Variants in INO80C observed in about 807,000 individuals in gnomAD.
INO80C encodes the protein INO80 complex subunit C.
In INO80C, 17 loss-of-function variants were observed where a neutral mutation model predicts 17.7. That is an observed-to-expected ratio of 0.96 (90% CI 0.66 to 1.44). INO80C has a LOEUF of 1.44. INO80C is among the 40% of genes most tolerant of loss of function. INO80C has a pLI of 0.00. For missense variants in INO80C, 244 were observed against 245.0 expected, an observed-to-expected ratio of 1.00 and a Z score of 0.03; for synonymous variants, 96 against 95.8, an observed-to-expected ratio of 1.00 and a Z score of -0.01.
intron 1 of INO80C, chr18:35,483,564 T>G (rs1362757032): frequency 6.6e-6 from 1 of 152,252 alleles, no homozygotes; most frequent in Non-Finnish European, 1.5e-5. Flanking sequence ...CCTCTGTCCC[T>G]GCTTCTAACC....
At chr18:35,470,803 G>A (rs2045660547) in intron 4 of INO80C, among the ~76,000 whole-genome samples, 1 of 152,212 alleles carries the variant, frequency 6.6e-6, no homozygotes, top group African/African-American at 2.4e-5. Flanking sequence ...ATAGAAGGAA[G>A]GATGCCAAGT....
Position 35,497,823 on chromosome 18 carries a change from G to A in INO80C, c.52C>T (p.Arg18Trp), listed in dbSNP as rs1413430565. ...VATTSTPGIV[R>W]NSKKRPASPS... ...CTGGCCGGCCTCTTCTTGCTGTTCC[G>A]GACTATTCCGGGAGTGGAAGTGGTG... Residue 18 changes from arginine (R) to tryptophan (W), a missense_variant, in exon 1 of 5, where the codon CGG becomes TGG. Transcript: ENST00000334598. The A allele has an allele frequency of 6.2e-7, 1 of 1,610,174 alleles. No individual in the cohort carries two copies. Among genetic ancestry groups the A allele is most frequent in the East Asian group, 2.3e-5 (1 of 44,188 alleles).
Position 35,480,556 on chromosome 18 carries a change from C to T in INO80C, c.164G>A (p.Ser55Asn). 2 of 1,605,916 alleles carry T rather than the reference C, an allele frequency of 1.2e-6. No individual in the cohort carries two copies. The highest frequency in any genetic ancestry group is 1.7e-6 in the Non-Finnish European group (2 of 1,172,440). ...TTTATTCTCACTCATGGCTTCCATG[C>T]TGATACCCTTAAAACATAATAAAAA... ...ASASSFAQGI[S>N]MEAMSENKMV... The change falls in exon 2 of 5, where the codon AGC becomes AAC. Residue 55 changes from serine (S) to asparagine (N), a missense_variant. Ser to Asn is a conservative substitution (Grantham distance 46, BLOSUM62 1). Coordinates refer to ENST00000334598, the MANE Select transcript of INO80C (RefSeq NM_194281.4).
intron 4 of INO80C, among the ~76,000 whole-genome samples, chr18:35,475,295 T>C (rs965247890): frequency 1.3e-5 from 2 of 152,204 alleles, no homozygotes; most frequent in Non-Finnish European, 2.9e-5. Flanking sequence ...ACTGACATCT[T>C]AAAAGTGATG....
At chr18:35,491,014 C>A (rs537051669) in intron 1 of INO80C, among the ~76,000 whole-genome samples, 2 of 152,348 alleles carry the variant, frequency 1.3e-5, no homozygotes, top group East Asian at 3.9e-4. Context: ...CCCACCTGGG[C>A]CTCCCAAAGT....
chr18:35,478,487 GA>G (rs1214879752), intron 3 of INO80C, 138 bp from the exon 4 acceptor site: 1 of 677,800 alleles, frequency 1.5e-6, no homozygotes, highest in Non-Finnish European at 2.5e-6. Context: ...AGTCTCTGGA[GA>G]TTAACTAGAG....
chr18:35,470,761 C>T (rs2045660272), intron 4 of INO80C, among the ~76,000 whole-genome samples: 1 of 152,238 alleles, frequency 6.6e-6, no homozygotes, highest in African/African-American at 2.4e-5. Context: ...ACAGACTGCA[C>T]TGGACCCAGG....
rs2046000362 is a variant in INO80C at position 35,497,754 on chromosome 18, T to G, written c.121A>C (p.Lys41Gln). 4.3e-6 allele frequency: 7 copies of G among 1,612,804 alleles called. No homozygotes were observed. The highest frequency in any genetic ancestry group is 5.9e-6 in the Non-Finnish European group (7 of 1,179,524). Reference protein sequence around the residue: ...GSSGGGYGASKKKKASASSFA... With the variant: ...GSSGGGYGASQKKKASASSFA... The stretch of plus-strand genomic sequence containing the variant: ...CTGGAAGCGGACGCTTTTTTCTTCT[T>G]ACTGGCGCCATAGCCCCCGCCGCTG... The change falls in exon 1 of 5, where the codon AAG (lysine) becomes CAG (glutamine). Residue 41 changes from lysine to glutamine, a missense_variant. By Grantham distance (53) the Lys-to-Gln change is moderately conservative. Transcript: ENST00000334598.
intron 1 of INO80C, among the ~76,000 whole-genome samples, chr18:35,494,687 G>A (rs1042460060): frequency 7.2e-5 from 11 of 152,168 alleles, no homozygotes; most frequent in Non-Finnish European, 1.2e-4. Flanking sequence ...ACAAGAACTC[G>A]GCTAACACTT....
Position 35,497,767 on chromosome 18 carries a change from GC to G in INO80C, c.107del (p.Gly36AlafsTer24), listed in dbSNP as rs752633621. 1 of 1,612,370 alleles carries G rather than the reference GC, an allele frequency of 6.2e-7. No individual in the cohort carries two copies. The highest frequency in any genetic ancestry group is 8.5e-7 in the Non-Finnish European group (1 of 1,179,228). On this transcript the variant is annotated frameshift_variant, in exon 1 of 5. Coordinates refer to ENST00000334598, the MANE Select transcript of INO80C (RefSeq NM_194281.4). LOFTEE classifies it high-confidence loss of function. ...SPSHNGSSGGGYGASKKKKAS... is the reference protein window; with the variant it reads ...SPSHNGSSGGXYGASKKKKAS... Reference sequence around the variant, plus strand: ...CTTTTTTCTTCTTACTGGCGCCATAGCCCCCGCCGCTGCTGCCATTGTGGGA... The same window carrying G: ...CTTTTTTCTTCTTACTGGCGCCATAGCCCCGCCGCTGCTGCCATTGTGGGA...
At chr18:35,472,675 G>A (rs757828299) in intron 4 of INO80C, among the ~76,000 whole-genome samples, 15 of 152,072 alleles carry the variant, frequency 9.9e-5, no homozygotes, top group Non-Finnish European at 1.5e-4. Flanking sequence ...TGCTCCAATT[G>A]TCCTCCAAAG....
At chr18:35,497,514 C>T in intron 1 of INO80C, 4 of 1,372,936 alleles carry the variant, frequency 2.9e-6, no homozygotes, top group Non-Finnish European at 3.7e-6. Flanking sequence ...ACTTCTTCTT[C>T]TCTCCTTACA....
In INO80C at chr18:35,495,768, T is replaced by A. The variant is rs190364972; in HGVS notation, c.156+1951A>T. Among the ~76,000 whole-genome samples the A allele has an allele frequency of 3.6e-3, 548 of 152,252 alleles. 2 individuals are homozygous for A. Among genetic ancestry groups the A allele is most frequent in the African/African-American group, 0.012 (514 of 41,536 alleles). On this transcript the variant is annotated intron_variant, in intron 1 of 4. Coordinates refer to ENST00000334598, the MANE Select transcript of INO80C (RefSeq NM_194281.4). ...AGCAATTACTCACAATACATACATC[T>A]GGCAAAGGAGTCTAATCAAGAAAGA...
chr18:35,487,439 T>C (rs1331180832), intron 1 of INO80C: 1 of 361,876 alleles, frequency 2.8e-6, no homozygotes, highest in Admixed American at 3.1e-5. Flanking sequence ...AAGAGGCACG[T>C]CTTACGTGGC....
rs767425631 is a variant in INO80C at position 35,497,806 on chromosome 18, C to T, written c.69G>A (p.Arg23=). Residue 23 remains arginine (R), a synonymous_variant, in exon 1 of 5, where the codon AGG becomes AGA. Transcript: ENST00000334598. ...TGCCATTGTGGGAAGGGCTGGCCGG[C>T]CTCTTCTTGCTGTTCCGGACTATTC... ...TPGIVRNSKK[R]PASPSHNGSS... 1.2e-6 allele frequency: 2 copies of T among 1,612,806 alleles called. No homozygotes were observed. The highest frequency in any genetic ancestry group is 8.5e-7 in the Non-Finnish European group (1 of 1,179,380).
chr18:35,468,768 G>C, intron 4 of INO80C, 26 bp from the exon 5 acceptor site: 1 of 1,604,634 alleles, frequency 6.2e-7, no homozygotes, highest in African/African-American at 1.3e-5. Context: ...CACAGGGAAG[G>C]GCAGAAAGTT....
At chr18:35,480,678 T>C (rs780158311) in intron 1 of INO80C, 115 bp from the exon 2 acceptor site, 1 of 785,942 alleles carries the variant, frequency 1.3e-6, no homozygotes, top group Non-Finnish European at 2.1e-6. Context: ...GAAGACAGTA[T>C]GCCCAGAGCT....
At chr18:35,492,827 G>C (rs1485966103) in intron 1 of INO80C, among the ~76,000 whole-genome samples, 2 of 152,118 alleles carry the variant, frequency 1.3e-5, no homozygotes, top group African/African-American at 2.4e-5. Context: ...GTAACTCTCA[G>C]TCTATAGGTT....
intron 1 of INO80C, among the ~76,000 whole-genome samples, chr18:35,489,684 A>G (rs2045914729): frequency 6.6e-6 from 1 of 152,194 alleles, no homozygotes; most frequent in African/African-American, 2.4e-5. Flanking sequence ...ACTAAATACA[A>G]CGTGTGATCC....
Sources: gnomAD v4.1 joint callset for allele counts (sites outside exome capture counted in the v4.1 genomes callset) on GRCh38, gnomAD v4.1.1 for gene constraint, MANE v1.5 for transcripts, NCBI Gene and HGNC (gene_info 2026-07-23, HGNC 2026-07-21) for gene names.